The following VWF variants were observed in gnomAD, a reference collection of about 807,000 sequenced individuals.
VWF encodes Factor VIII related antigen.
VWF carries 176 observed loss-of-function variants against 308.6 expected under a neutral mutation model. The observed-to-expected ratio is 0.57, with a 90% CI of 0.50 to 0.65. The LOEUF (loss-of-function observed/expected upper bound fraction) is 0.65, where lower values mean the gene tolerates loss of function less well. VWF is among the 30% of genes least tolerant of loss of function. The probability of loss-of-function intolerance (pLI) is 0.00; values close to 1 mark genes in which losing one functional copy is unlikely to be tolerated. For synonymous variants in VWF, 1,385 were observed against 1,443.4 expected (o/e 0.96, Z 0.92); for missense variants, 3,146 against 3,648.2 (o/e 0.86, Z 3.55).
rs2070887 is a variant in VWF at position 5,984,786 on chromosome 12, T to C, written c.6976+259A>G. The stretch of plus-strand genomic sequence containing the variant: ...TGACCTTTTCTTCAGTATATCTCCA[T>C]AGTCCCCAGTAATCACCCCATTCTT... On this transcript the variant is annotated intron_variant, in intron 40 of 51. Coordinates refer to ENST00000261405, the MANE Select transcript of VWF (RefSeq NM_000552.5). Among the ~76,000 whole-genome samples, 11,410 of 152,312 alleles carry C rather than the reference T, an allele frequency of 0.075. 628 individuals are homozygous for C. Among genetic ancestry groups the C allele is most frequent in the East Asian group, 0.25 (1,297 of 5,178 alleles).
At chr12:6,056,010 T>A (rs1267384859) in intron 15 of VWF, among the ~76,000 whole-genome samples, 1 of 151,746 alleles carries the variant, frequency 6.6e-6, no homozygotes, top group Admixed American at 6.6e-5. Context: ...GTCACTTCTA[T>A]GCCTACTATG....
intron 47 of VWF, among the ~76,000 whole-genome samples, chr12:5,965,531 T>G (rs1943392599): frequency 6.6e-6 from 1 of 152,180 alleles, no homozygotes; most frequent in Admixed American, 6.5e-5. Flanking sequence ...CCTCATGCTT[T>G]CTTTGAGCAG....
chr12:5,998,734 TA>T (rs1318309725), intron 34 of VWF, among the ~76,000 whole-genome samples: 5 of 151,916 alleles, frequency 3.3e-5, no homozygotes, highest in African/African-American at 4.8e-5. Context: ...TTTTTATTTT[TA>T]TTTTTTTTCC....
intron 31 of VWF, 59 bp from the exon 32 acceptor site, chr12:6,013,704 G>C (rs1944023656): frequency 6.3e-7 from 1 of 1,594,466 alleles, no homozygotes; most frequent in African/African-American, 1.3e-5. Context: ...AAATGGACTG[G>C]CCTGACGTTA....
At chr12:5,960,391 A>G (rs950145402) in intron 47 of VWF, among the ~76,000 whole-genome samples, 1 of 152,192 alleles carries the variant, frequency 6.6e-6, no homozygotes, top group South Asian at 2.1e-4. Flanking sequence ...AAAAGCTTCA[A>G]GTCTAGTAAG....
intron 5 of VWF, among the ~76,000 whole-genome samples, chr12:6,108,976 G>A (rs1470989503): frequency 2.2e-5 from 3 of 136,026 alleles, no homozygotes; most frequent in South Asian, 2.4e-4. Flanking sequence ...GCGAGACTCC[G>A]TCTCAAAAAA....
rs56981471 is a variant in VWF, at chr12:6,011,792, G to A, written c.5667C>T (p.Pro1889=). ...CMDEDGNEKR[P]GDVWTLPDQC... is the part of the protein sequence containing the mutation. ...GGTCTGGCAAGGTCCAGACGTCCCC[G>A]GGCTGCAGAAGAAAACAGCAGATTC... Residue 1889 remains proline (P), a splice_region_variant and synonymous_variant, in exon 34 of 52, where the codon CCC becomes CCT. Transcript: ENST00000261405. 4.2e-3 allele frequency: 6,687 copies of A among 1,609,390 alleles called. 165 individuals carry two copies. In the African/African-American group the frequency reaches 0.067, roughly 16 times the overall value.
At position 6,018,411 on chromosome 12, in the gene VWF, G is replaced by C. The variant is rs1468180315; in HGVS notation, c.5007C>G (p.Cys1669Trp). The C allele has an allele frequency of 6.2e-7, 1 of 1,612,548 alleles. No individual in the cohort carries two copies. Among genetic ancestry groups the C allele is most frequent in the Admixed American group, 1.7e-5 (1 of 60,000 alleles). The part of the protein sequence containing the change: ...REAPDLVLQR[C>W]CSGEGLQIPT... The stretch of plus-strand genomic sequence containing the variant: ...GGATCTGCAGCCCCTCTCCGGAGCA[G>C]CACCTCTGCAGCACCAGGTCAGGAG... The change falls in exon 28 of 52, where the codon TGC (cysteine) becomes TGG (tryptophan). Residue 1669 changes from cysteine (C) to tryptophan (W), a missense_variant. Transcript: ENST00000261405.
intron 3 of VWF, among the ~76,000 whole-genome samples, chr12:6,118,376 CTTTTTTTTT>C (rs71064189): frequency 1.1e-4 from 7 of 65,508 alleles, no homozygotes; most frequent in Admixed American, 2.0e-4. Flanking sequence ...CCTCTGGTCA[CTTTTTTTTT>C]TTTTTTTTTT....
At chr12:5,983,794 G>GAGATAGATCGATAGATAGATAGATAGAT (rs1943640448) in intron 40 of VWF, among the ~76,000 whole-genome samples, 1 of 148,656 alleles carries the variant, frequency 6.7e-6, no homozygotes, top group East Asian at 2.1e-4. Context: ...AGATACAATA[G>GAGATAGATCGATAGATAGATAGATAGAT]AGATAGATAG....
rs67479635 is a variant in VWF, at chr12:6,018,060, AT to A, written c.5053+304del. Among the ~76,000 whole-genome samples the A allele has an allele frequency of 0.56, 81,456 of 146,386 alleles. 22,274 individuals are homozygous for A. Among genetic ancestry groups the A allele is most frequent in the Middle Eastern group, 0.74 (209 of 282 alleles). On this transcript the variant is annotated intron_variant, in intron 28 of 51. Transcript: ENST00000261405. ...GGCTGTGTGATAAAGTAAGACTTGCATTTTTTTTTTTTTTTTACTCCTTATT... is the reference window on the plus strand; with the variant it reads ...GGCTGTGTGATAAAGTAAGACTTGCATTTTTTTTTTTTTTTACTCCTTATT...
At chr12:6,045,179 A>G (rs1404180645) in intron 17 of VWF, among the ~76,000 whole-genome samples, 1 of 152,190 alleles carries the variant, frequency 6.6e-6, no homozygotes, top group African/African-American at 2.4e-5. Flanking sequence ...GTAGGTATCA[A>G]TGGCTAATTG....
At chr12:6,083,742 A>AT (rs779286060) in intron 6 of VWF, among the ~76,000 whole-genome samples, 4 of 152,154 alleles carry the variant, frequency 2.6e-5, no homozygotes, top group Non-Finnish European at 5.9e-5. Context: ...GCTGCTAGGA[A>AT]TAAGATTCCA....
intron 3 of VWF, among the ~76,000 whole-genome samples, chr12:6,119,422 C>T (rs1945406442): frequency 6.6e-6 from 1 of 152,230 alleles, no homozygotes; most frequent in Non-Finnish European, 1.5e-5. Context: ...CTCCCCAGGG[C>T]TCCATGTCAG....
intron 22 of VWF, among the ~76,000 whole-genome samples, chr12:6,027,034 T>G (rs1422776909): frequency 6.6e-6 from 1 of 152,226 alleles, no homozygotes; most frequent in Non-Finnish European, 1.5e-5. Flanking sequence ...ATGTATTCTA[T>G]CTTGCTTCAA....
chr12:6,085,073 T>C (rs1944953804), intron 6 of VWF, among the ~76,000 whole-genome samples: 1 of 152,156 alleles, frequency 6.6e-6, no homozygotes, highest in Non-Finnish European at 1.5e-5. Context: ...GACTTGGCCA[T>C]GGACCTCTCT....
At chr12:6,044,028 C>T (rs1264122578) in intron 18 of VWF, among the ~76,000 whole-genome samples, 2 of 152,132 alleles carry the variant, frequency 1.3e-5, no homozygotes, top group African/African-American at 4.8e-5. Flanking sequence ...TCCTATGGCA[C>T]TCCTGTAAGC....
At position 6,075,227 on chromosome 12, in the gene VWF, T is replaced by C. The variant is rs1023447533; in HGVS notation, c.874+108A>G. On this transcript the variant is annotated intron_variant, in intron 7 of 51. Coordinates refer to ENST00000261405, the MANE Select transcript of VWF (RefSeq NM_000552.5). This position sits in a 1 kb window ranked among gnomAD's most constrained non-coding sequence, Gnocchi z 4.7. Reference sequence around the variant, plus strand: ...TTTGTAGTCACTGGCTGGCTGGGTGTGGTAAAGCCGCACATACGTGACACA... The same window carrying C: ...TTTGTAGTCACTGGCTGGCTGGGTGCGGTAAAGCCGCACATACGTGACACA... The C allele has an allele frequency of 1.4e-6, 2 of 1,394,976 alleles. No homozygotes were observed. Among genetic ancestry groups the C allele is most frequent in the Non-Finnish European group, 2.0e-6 (2 of 1,002,304 alleles). 86.4% of individuals were successfully genotyped at this position (1,394,976 alleles called of 1,614,324 possible).
intron 35 of VWF, among the ~76,000 whole-genome samples, chr12:5,995,484 C>T (rs555177642): frequency 1.3e-5 from 2 of 152,080 alleles, no homozygotes; most frequent in African/African-American, 2.4e-5. Context: ...GATTTCTACA[C>T]GAACAAGTAA....
Sources: allele counts gnomAD v4.1 joint callset (sites outside exome capture counted in the v4.1 genomes callset), GRCh38; gene constraint gnomAD v4.1.1; non-coding constraint Gnocchi (gnomAD v3.1); transcripts MANE v1.5; gene names NCBI Gene and HGNC (gene_info 2026-07-23, HGNC 2026-07-21).